Variants in SPSB4 observed in about 807,000 individuals in gnomAD.
SPSB4 encodes splA/ryanodine receptor domain and SOCS box containing 4.
A neutral mutation model predicts 20.9 loss-of-function variants in SPSB4; 21 were observed. The ratio of observed to expected loss-of-function variants is 1.01; its 90% confidence interval spans 0.71 to 1.45. SPSB4 has a LOEUF of 1.45. SPSB4 is among the 40% of genes most tolerant of loss of function. SPSB4 has a pLI of 0.00. For synonymous variants in SPSB4, 207 were observed against 183.8 expected, an observed-to-expected ratio of 1.13 and a Z score of -1.02; for missense variants, 399 against 399.2, an observed-to-expected ratio of 1.00 and a Z score of 0.00.
chr3:141,112,452 C>T (rs1379943689), intron 2 of SPSB4, among the ~76,000 whole-genome samples: 6 of 150,846 alleles, frequency 4.0e-5, no homozygotes, highest in Non-Finnish European at 8.9e-5. Flanking sequence ...GAGACCATCC[C>T]GGCTAAAACG....
rs199569122 is a variant in SPSB4, at chr3:141,066,122, G to A, written c.18G>A (p.Ser6=). ...AGTGAAGCATGGGCCAGAAGCTCTC[G>A]GGGAGCCTCAAGTCAGTGGAGGTGC... MGQKL[S]GSLKSVEVRE... is the part of the protein sequence containing the mutation. Residue 6 remains serine, a synonymous_variant, in exon 2 of 3, where the codon TCG becomes TCA. Coordinates refer to ENST00000310546, the MANE Select transcript of SPSB4 (RefSeq NM_080862.3). The A allele has an allele frequency of 6.0e-3, 9,118 of 1,529,828 alleles. 22 individuals are homozygous for A. The highest frequency in any genetic ancestry group is 7.0e-3 in the Non-Finnish European group (8,034 of 1,141,584). The allele number at this position is 1,529,828 out of a possible 1,614,324, so 94.8% of individuals were successfully genotyped here. A position where few individuals can be genotyped will look rare whatever the true frequency, so the allele number is the denominator to read the frequency against.
chr3:141,100,836 G>A (rs1467652871), intron 2 of SPSB4, among the ~76,000 whole-genome samples: 1 of 152,130 alleles, frequency 6.6e-6, no homozygotes, highest in Non-Finnish European at 1.5e-5. Flanking sequence ...TATGGGCAGG[G>A]GCCTAGGGAG....
intron 2 of SPSB4, among the ~76,000 whole-genome samples, chr3:141,083,176 C>G (rs1938272552): frequency 6.6e-6 from 1 of 152,194 alleles, no homozygotes; most frequent in Non-Finnish European, 1.5e-5. Context: ...CCTGTGTCCA[C>G]CACAGGTCCC....
chr3:141,099,141 G>A (rs1938582314), intron 2 of SPSB4, among the ~76,000 whole-genome samples: 1 of 151,856 alleles, frequency 6.6e-6, no homozygotes, highest in Non-Finnish European at 1.5e-5. Context: ...ATATCGACAT[G>A]AGTTTTAGTG....
At chr3:141,066,907 G>A (rs1357360369) in intron 2 of SPSB4, 109 bp downstream of exon 2, 9 of 1,148,430 alleles carry the variant, frequency 7.8e-6, no homozygotes, top group African/African-American at 1.6e-5. Flanking sequence ...CAATGTGGAG[G>A]AATGGTCAGG....
chr3:141,090,763 G>T (rs1938437292), intron 2 of SPSB4, among the ~76,000 whole-genome samples: 1 of 152,168 alleles, frequency 6.6e-6, no homozygotes, highest in Admixed American at 6.5e-5. Flanking sequence ...GATTTGCCTA[G>T]GTTTTAAAAG....
In SPSB4 at chr3:141,106,422, C is replaced by T. The variant is rs116436943; in HGVS notation, c.694+39624C>T. ...CCTGGGATCTGCTCTGACTGCAGTC[C>T]TCTTAAGGGCAGTTCTCACCCCATG... On this transcript the variant is annotated intron_variant, in intron 2 of 2. Coordinates refer to ENST00000310546, the MANE Select transcript of SPSB4 (RefSeq NM_080862.3). Among the ~76,000 whole-genome samples the T allele has an allele frequency of 3.6e-3, 543 of 152,262 alleles. 2 individuals are homozygous for T. Among genetic ancestry groups the T allele is most frequent in the African/African-American group, 0.012 (505 of 41,538 alleles).
intron 2 of SPSB4, among the ~76,000 whole-genome samples, chr3:141,091,742 C>T (rs60146834): frequency 0.14 from 21,362 of 152,194 alleles, 2,617 homozygotes; most frequent in African/African-American, 0.32. Flanking sequence ...GTAATGTGGA[C>T]GCTGACTTCG....
chr3:141,063,428 T>C (rs1406550154), intron 1 of SPSB4, among the ~76,000 whole-genome samples: 4 of 152,244 alleles, frequency 2.6e-5, no homozygotes, highest in Non-Finnish European at 4.4e-5. Flanking sequence ...TCTTGCTTTC[T>C]AACAAAATCT....
Position 141,111,288 on chromosome 3 carries a change from G to T in SPSB4, c.695-35854G>T, listed in dbSNP as rs572631170. On this transcript the variant is annotated intron_variant, in intron 2 of 2. Transcript: ENST00000310546. ...TGTAGAAATATTAAAGTGTTTGGTT[G>T]CAGTCCGCTGGGGATGTTATACCAT... Among the ~76,000 whole-genome samples, 13 of 149,606 alleles carry T rather than the reference G, an allele frequency of 8.7e-5. No homozygotes were observed. The South Asian group carries it at 2.8e-3, about 32-fold the overall frequency.
chr3:141,105,822 T>G (rs1938678780), intron 2 of SPSB4, among the ~76,000 whole-genome samples: 1 of 152,236 alleles, frequency 6.6e-6, no homozygotes, highest in African/African-American at 2.4e-5. Context: ...GCTTACTACG[T>G]TTTTTAAAAA....
chr3:141,107,184 TG>T (rs1938708906), intron 2 of SPSB4, among the ~76,000 whole-genome samples: 1 of 152,220 alleles, frequency 6.6e-6, no homozygotes, highest in Admixed American at 6.5e-5. Flanking sequence ...CCAAGGGATC[TG>T]AAATGTTTTA....
intron 2 of SPSB4, among the ~76,000 whole-genome samples, chr3:141,076,216 G>A (rs6775066): frequency 6.6e-6 from 1 of 152,110 alleles, no homozygotes; most frequent in African/African-American, 2.4e-5. Context: ...CCTGGCTGAC[G>A]CCAGGCCAGT....
At chr3:141,145,829 C>T (rs1012691980) in intron 2 of SPSB4, among the ~76,000 whole-genome samples, 1 of 152,082 alleles carries the variant, frequency 6.6e-6, no homozygotes, top group Non-Finnish European at 1.5e-5. Context: ...TCCAGGCTGT[C>T]CTGTTTTATT....
intron 1 of SPSB4, 98 bp from the exon 2 acceptor site, chr3:141,065,854 C>T (rs963845057): frequency 8.3e-6 from 4 of 481,468 alleles, no homozygotes; most frequent in Non-Finnish European, 1.5e-5. Context: ...TATTATTGTG[C>T]ATGCAAAGGG....
At chr3:141,144,091 A>G (rs1939375405) in intron 2 of SPSB4, among the ~76,000 whole-genome samples, 1 of 152,224 alleles carries the variant, frequency 6.6e-6, no homozygotes, top group Non-Finnish European at 1.5e-5. Flanking sequence ...AGGACAAGCT[A>G]TGCAGTTAAC....
At chr3:141,109,486 A>T (rs72983812) in intron 2 of SPSB4, among the ~76,000 whole-genome samples, 1 of 151,926 alleles carries the variant, frequency 6.6e-6, no homozygotes, top group African/African-American at 2.4e-5. Flanking sequence ...ACCCTGGGCC[A>T]GCCAGATCCA....
intron 2 of SPSB4, among the ~76,000 whole-genome samples, chr3:141,099,215 C>T (rs1226383521): frequency 2.1e-5 from 3 of 140,698 alleles, no homozygotes; most frequent in South Asian, 2.3e-4. Flanking sequence ...GACGGAGTTT[C>T]GCTCTGTCGC....
intron 2 of SPSB4, among the ~76,000 whole-genome samples, chr3:141,132,783 TATA>T (rs1164163557): frequency 1.3e-5 from 2 of 152,210 alleles, no homozygotes; most frequent in African/African-American, 2.4e-5. Context: ...GTCTTGTTCA[TATA>T]ATAACTTATT....
Sources: gnomAD v4.1 joint callset for allele counts (sites outside exome capture counted in the v4.1 genomes callset) on GRCh38, gnomAD v4.1.1 for gene constraint, MANE v1.5 for transcripts, NCBI Gene and HGNC (gene_info 2026-07-23, HGNC 2026-07-21) for gene names.